Variants in TMEM44 observed in about 807,000 individuals in gnomAD.
TMEM44 encodes the protein transmembrane protein 44.
In TMEM44, 43 loss-of-function variants were observed where a neutral mutation model predicts 47.8. The observed-to-expected ratio is 0.90, with a 90% confidence interval of 0.70 to 1.16. The LOEUF is 1.16. TMEM44 is among the 50% of genes most tolerant of loss of function. The pLI is 0.00. For synonymous variants in TMEM44, 277 were observed against 238.8 expected (o/e 1.16, Z -1.48); for missense variants, 568 against 555.2 (o/e 1.02, Z -0.23).
rs771885627 is a variant in TMEM44, at chr3:194,623,346, C to G, written c.526-36G>C. 4 of 1,567,824 alleles carry G rather than the reference C, an allele frequency of 2.6e-6. No homozygotes were observed. In the South Asian group the frequency reaches 4.7e-5, roughly 18 times the overall value. On this transcript the variant is annotated intron_variant, in intron 4 of 9. Transcript: ENST00000347147. ...GAACAGGTGATCCACCATCAGTACT[C>G]TGCAGAGACTGCCCATGTGCCCCAA...
chr3:194,588,580 G>C lies in TMEM44; in HGVS notation c.1236C>G (p.Ser412=). Residue 412 remains serine (S), a synonymous_variant, in exon 10 of 10, where the codon TCC becomes TCG. Transcript: ENST00000347147. ...TCCTCACAGAGTCCTGGTGCACCTG[G>C]GATCCCAGTAGCTCCACATTTTCTT... ...GSKENVELLG[S]QVHQDSVRTA... is the part of the protein sequence containing the mutation. 6.2e-7 allele frequency: 1 copy of C among 1,614,126 alleles called. No homozygotes were observed. Among genetic ancestry groups the C allele is most frequent in the Non-Finnish European group, 8.5e-7 (1 of 1,180,030 alleles).
chr3:194,600,477 G>A (rs1713955253), intron 9 of TMEM44, among the ~76,000 whole-genome samples: 1 of 151,410 alleles, frequency 6.6e-6, no homozygotes, highest in Non-Finnish European at 1.5e-5. Context: ...GGCTGGGCAA[G>A]GTGGCTCACG....
chr3:194,605,724 C>G (rs1309692441), intron 8 of TMEM44, among the ~76,000 whole-genome samples: 2 of 152,168 alleles, frequency 1.3e-5, no homozygotes, highest in African/African-American at 4.8e-5. Context: ...AACCACATCA[C>G]CTAAGAAAGA....
intron 9 of TMEM44, among the ~76,000 whole-genome samples, chr3:194,590,453 C>T (rs998150719): frequency 3.9e-5 from 6 of 152,194 alleles, no homozygotes; most frequent in Non-Finnish European, 8.8e-5. Context: ...CCCCTTGAAC[C>T]AAATTCCTTT....
rs1715980493 is a variant in TMEM44, at chr3:194,617,088, G to A, written c.783+11C>T. ...TGCAAGCAGGGAGCTCCCCAGGCCT[G>A]GGGTGGATACAGCGAGGTCCAGTGC... On this transcript the variant is annotated intron_variant, in intron 6 of 9. Coordinates refer to ENST00000347147, the MANE Select transcript of TMEM44 (RefSeq NM_001011655.3). The A allele has an allele frequency of 4.0e-6, 6 of 1,503,012 alleles. No homozygotes were observed. The highest frequency in any genetic ancestry group is 4.5e-6 in the Non-Finnish European group (5 of 1,122,344). The allele number at this position is 1,503,012 out of a possible 1,614,324, so 93.1% of individuals were successfully genotyped here.
intron 9 of TMEM44, among the ~76,000 whole-genome samples, chr3:194,590,700 C>T (rs901048743): frequency 6.6e-6 from 1 of 152,168 alleles, no homozygotes. Context: ...GATGCTGGGG[C>T]CCACCCTAGC....
chr3:194,633,336 T>A lies in TMEM44; in HGVS notation c.-121A>T. 4 of 387,254 alleles carry A rather than the reference T, an allele frequency of 1.0e-5. No individual in the cohort carries two copies. The highest frequency in any genetic ancestry group is 1.4e-5 in the Non-Finnish European group (4 of 280,914). The allele number at this position is 387,254 out of a possible 1,614,324, so 24.0% of individuals were successfully genotyped here. On this transcript the variant is annotated 5_prime_UTR_variant, in exon 1 of 10. Coordinates refer to ENST00000347147, the MANE Select transcript of TMEM44 (RefSeq NM_001011655.3). ...CTGGGTTCCGTTCCGCCGCGGCGCC[T>A]CCGGCCGAGCGCACCGACCGCGGGC... is the stretch of plus-strand genomic sequence containing the variant.
chr3:194,627,204 T>C (rs1024125380), intron 2 of TMEM44, among the ~76,000 whole-genome samples: 2 of 152,226 alleles, frequency 1.3e-5, no homozygotes, highest in African/African-American at 2.4e-5. Context: ...GCTGGCCCTA[T>C]TGTATTCTAT....
chr3:194,611,562 G>A lies in TMEM44; in HGVS notation c.913-542C>T, dbSNP rs1715324518. Among the ~76,000 whole-genome samples, 2 of 152,192 alleles carry A rather than the reference G, an allele frequency of 1.3e-5. No individual in the cohort carries two copies. The highest frequency in any genetic ancestry group is 4.8e-5 in the African/African-American group (2 of 41,448). ...CCACTTCCAGACATTCTGATTTCAT[G>A]GGTATGAGATGTAACCGGGAAGTGG... On this transcript the variant is annotated intron_variant, in intron 7 of 9. Transcript: ENST00000347147. This position sits in a 1 kb window ranked among gnomAD's most constrained non-coding sequence, Gnocchi z 4.2.
At chr3:194,630,143 G>A (rs1378147051) in intron 1 of TMEM44, among the ~76,000 whole-genome samples, 2 of 105,800 alleles carry the variant, frequency 1.9e-5, no homozygotes. Flanking sequence ...ATAATACGCT[G>A]TCGTACCTGC....
chr3:194,613,341 C>T (rs543352454), intron 7 of TMEM44, among the ~76,000 whole-genome samples: 12 of 151,466 alleles, frequency 7.9e-5, no homozygotes, highest in African/African-American at 2.9e-4. Flanking sequence ...CCACGCCCAG[C>T]TGATTTTTGT....
In TMEM44 at chr3:194,611,967, A is replaced by T. The variant is rs888128223; in HGVS notation, c.913-947T>A. 2.6e-5 allele frequency among the ~76,000 whole-genome samples: 4 copies of T among 152,102 alleles called. No individual in the cohort carries two copies. The highest frequency in any genetic ancestry group is 9.7e-5 in the African/African-American group (4 of 41,412). On this transcript the variant is annotated intron_variant, in intron 7 of 9. Transcript: ENST00000347147. This position sits in a 1 kb window ranked among gnomAD's most constrained non-coding sequence, Gnocchi z 4.2. ...AACCCAGGAGGCGGAGGTTGCAGCA[A>T]GCTGAGATCGTGCCACTGCAATCCA...
chr3:194,605,677 G>A (rs1484685554), intron 8 of TMEM44, among the ~76,000 whole-genome samples: 1 of 152,164 alleles, frequency 6.6e-6, no homozygotes, highest in African/African-American at 2.4e-5. Flanking sequence ...CACAACACGT[G>A]GGAATTCAAG....
At chr3:194,608,526 T>C (rs1385597804) in intron 8 of TMEM44, among the ~76,000 whole-genome samples, 1 of 152,130 alleles carries the variant, frequency 6.6e-6, no homozygotes, top group Non-Finnish European at 1.5e-5. Context: ...AGAATTTCAA[T>C]AGGTAATAAA....
chr3:194,592,331 T>C (rs62286755), intron 9 of TMEM44, among the ~76,000 whole-genome samples: 46,934 of 151,756 alleles, frequency 0.31, 8,893 homozygotes, highest in Non-Finnish European at 0.44. Flanking sequence ...CAGGCACAGG[T>C]AGTTGTCACA....
chr3:194,619,626 A>G (rs770356072), intron 5 of TMEM44, among the ~76,000 whole-genome samples: 18 of 152,230 alleles, frequency 1.2e-4, no homozygotes, highest in Non-Finnish European at 2.2e-4. Context: ...TCTTCTCCTC[A>G]GCAACCTCAC....
chr3:194,617,291 C>T, intron 5 of TMEM44, 22 bp from the exon 6 acceptor site: 6 of 669,726 alleles, frequency 9.0e-6, no homozygotes, highest in Non-Finnish European at 1.2e-5. Context: ...GAGGGAGGGG[C>T]TGGGCGGGAG....
rs114202861 is a variant in TMEM44 at position 194,611,052 on chromosome 3, G to A, written c.913-32C>T. The A allele has an allele frequency of 5.1e-4, 800 of 1,583,650 alleles. 7 individuals carry two copies. The African/African-American group carries it at 9.6e-3, about 19-fold the overall frequency. On this transcript the variant is annotated intron_variant, in intron 7 of 9. Coordinates refer to ENST00000347147, the MANE Select transcript of TMEM44 (RefSeq NM_001011655.3). This position sits in a 1 kb window ranked among gnomAD's most constrained non-coding sequence, Gnocchi z 4.2. ...AGTAGAGGCAGGGAGACAGAAAGGG[G>A]AATTCTCAAAGTCAGGAGGCATTTT... is the stretch of plus-strand genomic sequence containing the variant.
intron 8 of TMEM44, among the ~76,000 whole-genome samples, chr3:194,609,541 C>T (rs564734038): frequency 2.6e-5 from 4 of 152,056 alleles, no homozygotes; most frequent in Non-Finnish European, 4.4e-5. Context: ...TGGAGGTCAT[C>T]GGTGACCTCG....
Sources: allele counts gnomAD v4.1 joint callset (sites outside exome capture counted in the v4.1 genomes callset), GRCh38; gene constraint gnomAD v4.1.1; non-coding constraint Gnocchi (gnomAD v3.1); transcripts MANE v1.5; gene names NCBI Gene and HGNC (gene_info 2026-07-23, HGNC 2026-07-21).